The following PRKD3 variants were observed in gnomAD, a reference collection of about 807,000 sequenced individuals.
PRKD3 encodes the protein serine/threonine-protein kinase D3.
In PRKD3, 47 loss-of-function variants were observed where a neutral mutation model predicts 99.2. That is an observed-to-expected ratio of 0.47 (90% CI 0.38 to 0.60). The LOEUF is 0.60. PRKD3 is among the 20% of genes least tolerant of loss of function. PRKD3 has a pLI of 0.00. For synonymous variants in PRKD3, 392 were observed against 355.4 expected, an observed-to-expected ratio of 1.10 and a Z score of -1.16; for missense variants, 1,019 against 1,088.4, an observed-to-expected ratio of 0.94 and a Z score of 0.90.
intron 2 of PRKD3, among the ~76,000 whole-genome samples, chr2:37,303,075 T>TAG (rs1046290048): frequency 1.5e-4 from 23 of 151,882 alleles, no homozygotes; most frequent in Admixed American, 9.8e-4. Flanking sequence ...ACTCAGCCAG[T>TAG]AGAGAGAGAG....
At position 37,275,762 on chromosome 2, in the gene PRKD3, C is replaced by T; in HGVS notation, c.1374+5G>A. The T allele has an allele frequency of 1.3e-6, 2 of 1,596,648 alleles. No individual in the cohort carries two copies. Among genetic ancestry groups the T allele is most frequent in the South Asian group, 1.2e-5 (1 of 86,530 alleles). On this transcript the variant is annotated splice_donor_5th_base_variant and intron_variant, in intron 10 of 18. Transcript: ENST00000234179. ...CTTATATTTTTTAAAGTGTAAAATC[C>T]TTACCTTATAATACTTTGATCCAGA...
Position 37,267,469 on chromosome 2 carries a change from TTTTG to T in PRKD3, c.1841_1844del (p.Thr614AsnfsTer22). ...CTTCATTACGGAGTTGACTTTCTTG[TTTTG>T]TGGGGAATCTCATCTTATCAATTAC... is the stretch of plus-strand genomic sequence containing the variant. On this transcript the variant is annotated frameshift_variant, in exon 14 of 19. Coordinates refer to ENST00000234179, the MANE Select transcript of PRKD3 (RefSeq NM_005813.6). LOFTEE classifies it high-confidence loss of function. The T allele has an allele frequency of 6.2e-7, 1 of 1,610,910 alleles. No individual in the cohort carries two copies.
chr2:37,289,061 C>T (rs1287439294), intron 5 of PRKD3, among the ~76,000 whole-genome samples: 1 of 130,566 alleles, frequency 7.7e-6, no homozygotes, highest in Non-Finnish European at 1.6e-5. Context: ...CTCAAAAAAA[C>T]AAAAATTAAA....
At chr2:37,280,041 G>T in intron 7 of PRKD3, 112 bp from the exon 8 acceptor site, 21 of 619,648 alleles carry the variant, frequency 3.4e-5, no homozygotes, top group Non-Finnish European at 5.4e-5. Context: ...TATGAGTTAA[G>T]TAAAGTATTT....
Position 37,253,257 on chromosome 2 carries a change from G to C in PRKD3, c.2593C>G (p.His865Asp). The C allele has an allele frequency of 6.2e-7, 1 of 1,612,658 alleles. No homozygotes were observed. ...TATACAAGGTTATGTGTGTATGCAT[G>C]TATTTCCCAGCGAGCATCATCACTT... ...HESDDARWEI[H>D]AYTHNLVYPK... Residue 865 changes from histidine to aspartate, a missense_variant, in exon 19 of 19, where the codon CAT (histidine) becomes GAT (aspartate). By Grantham distance (81) the His-to-Asp change is moderately conservative. Around this residue, in one of 3 missense-constraint regions of PRKD3, gnomAD observed 125 missense variants for 120.6 expected, o/e 1.04. Coordinates refer to ENST00000234179, the MANE Select transcript of PRKD3 (RefSeq NM_005813.6).
chr2:37,278,975 T>C (rs1669707996), intron 8 of PRKD3: 1 of 150,938 alleles, frequency 6.6e-6, no homozygotes, highest in Non-Finnish European at 1.5e-5. Context: ...ACTAGCTGGG[T>C]TCTGGAATAG....
At chr2:37,289,827 G>A (rs969026480) in intron 4 of PRKD3, among the ~76,000 whole-genome samples, 4 of 152,180 alleles carry the variant, frequency 2.6e-5, no homozygotes, top group African/African-American at 9.7e-5. Context: ...ACGGGGATGA[G>A]GCCCAGCAAA....
At chr2:37,295,486 G>A (rs1473433045) in intron 2 of PRKD3, among the ~76,000 whole-genome samples, 2 of 152,060 alleles carry the variant, frequency 1.3e-5, no homozygotes, top group African/African-American at 4.8e-5. Flanking sequence ...AATGAGATGG[G>A]GGAAAGCTGG....
rs145226914 is a variant in PRKD3 at position 37,316,412 on chromosome 2, G to A, written c.113C>T (p.Ala38Val). 7.4e-4 allele frequency: 1,193 copies of A among 1,614,210 alleles called. 6 individuals are homozygous for A. In the African/African-American group the frequency reaches 0.015, roughly 20 times the overall value. Reference sequence around the variant, plus strand: ...ACTGAAGCTTCCATTAGAGAGTCGGGCAGAGAGTCCCGTCTTAGGACTTGA... The same window carrying A: ...ACTGAAGCTTCCATTAGAGAGTCGGACAGAGAGTCCCGTCTTAGGACTTGA... The part of the protein sequence containing the change: ...PCSSPKTGLS[A>V]RLSNGSFSAP... The change falls in exon 2 of 19, where the codon GCC (alanine) becomes GTC (valine). Residue 38 changes from alanine (A) to valine (V), a missense_variant. Coordinates refer to ENST00000234179, the MANE Select transcript of PRKD3 (RefSeq NM_005813.6).
At chr2:37,272,779 G>A (rs1388922658) in intron 11 of PRKD3, among the ~76,000 whole-genome samples, 1 of 152,136 alleles carries the variant, frequency 6.6e-6, no homozygotes, top group Non-Finnish European at 1.5e-5. Context: ...CTTGAGCCCA[G>A]GAGTTTGAGA....
At chr2:37,278,121 G>T in intron 8 of PRKD3, 132 bp from the exon 9 acceptor site, 2 of 602,140 alleles carry the variant, frequency 3.3e-6, no homozygotes, top group Non-Finnish European at 5.2e-6. Context: ...ATAAACAATG[G>T]CTGAAGAAAA....
chr2:37,290,081 T>A (rs753324053), intron 4 of PRKD3, among the ~76,000 whole-genome samples: 1 of 152,160 alleles, frequency 6.6e-6, no homozygotes, highest in African/African-American at 2.4e-5. Context: ...GCCAACAAAG[T>A]CTAAAACATT....
chr2:37,279,759 C>G lies in PRKD3; in HGVS notation c.1159G>C (p.Val387Leu). ...TATATATATTACCTGATTGTTTTAA[C>G]GGCTTCTTCATCTCTTTCCACATCG... ...DLDVERDEEA[V>L]KTISPSTSNN... is the part of the protein sequence containing the mutation. The change falls in exon 8 of 19, where the codon GTT becomes CTT. Residue 387 changes from valine (V) to leucine (L), a missense_variant. Physicochemically the swap from Val to Leu is conservative, Grantham distance 32. Coordinates refer to ENST00000234179, the MANE Select transcript of PRKD3 (RefSeq NM_005813.6). The G allele has an allele frequency of 6.2e-7, 1 of 1,612,342 alleles. No individual in the cohort carries two copies. Among genetic ancestry groups the G allele is most frequent in the Non-Finnish European group, 8.5e-7 (1 of 1,179,296 alleles).
In PRKD3 at chr2:37,260,206, A is replaced by G; in HGVS notation, c.2046+17T>C. ...GTTTTTAATCGCTAGTTTAAAAAAAAAAAGGAGTTAAAATACCTGTGTGAC... is the reference window on the plus strand; with the variant it reads ...GTTTTTAATCGCTAGTTTAAAAAAAGAAAGGAGTTAAAATACCTGTGTGAC... On this transcript the variant is annotated intron_variant, in intron 15 of 18. Coordinates refer to ENST00000234179, the MANE Select transcript of PRKD3 (RefSeq NM_005813.6). 1.3e-6 allele frequency: 2 copies of G among 1,569,608 alleles called. No individual in the cohort carries two copies. The highest frequency in any genetic ancestry group is 2.2e-5 in the East Asian group (1 of 44,652).
chr2:37,294,460 C>G (rs1463798235), intron 2 of PRKD3, among the ~76,000 whole-genome samples: 2 of 152,006 alleles, frequency 1.3e-5, no homozygotes, highest in African/African-American at 4.8e-5. Flanking sequence ...TAGAAAGTTA[C>G]AAGTTTATAG....
intron 2 of PRKD3, among the ~76,000 whole-genome samples, chr2:37,300,401 G>A (rs74861613): frequency 6.6e-6 from 1 of 152,060 alleles, no homozygotes. Context: ...GGAATAAAAG[G>A]GTTGGTTAAT....
At chr2:37,318,591 A>C (rs1037048505) in intron 1 of PRKD3, among the ~76,000 whole-genome samples, 4 of 152,206 alleles carry the variant, frequency 2.6e-5, no homozygotes, top group Non-Finnish European at 5.9e-5. Flanking sequence ...ATCGCACAGA[A>C]AGACAGACTG....
At chr2:37,293,044 A>G in intron 3 of PRKD3, 89 bp downstream of exon 3, 1 of 1,299,626 alleles carries the variant, frequency 7.7e-7, no homozygotes. Context: ...TAATACAAAG[A>G]CTAAATATAA....
intron 1 of PRKD3, chr2:37,324,339 C>G: frequency 2.0e-6 from 1 of 492,424 alleles, no homozygotes; most frequent in Non-Finnish European, 2.6e-6. Context: ...GGGCCGGGCG[C>G]GGTGGTCTCC....
Sources: allele counts gnomAD v4.1 joint callset (sites outside exome capture counted in the v4.1 genomes callset), GRCh38; gene constraint gnomAD v4.1.1; regional missense constraint gnomAD v4.1.1; transcripts MANE v1.5; gene names NCBI Gene and HGNC (gene_info 2026-07-23, HGNC 2026-07-21).